BCL2L11: variants seen among roughly 807,000 people sequenced by gnomAD.
The protein encoded by BCL2L11 is BCL2 like 11, also known as bcl-2-like protein 11.
BCL2L11 carries 15 observed loss-of-function variants against 20.6 expected under a neutral mutation model. The ratio of observed to expected loss-of-function variants is 0.73; its 90% CI spans 0.49 to 1.12. The LOEUF (loss-of-function observed/expected upper bound fraction) is 1.12. Among genes scored for constraint, BCL2L11 ranks in the 50% most tolerant of loss-of-function variants. The pLI is 0.00. For synonymous variants in BCL2L11, 108 were observed against 92.8 expected, an observed-to-expected ratio of 1.16 and a Z score of -0.94; for missense variants, 292 against 260.9, an observed-to-expected ratio of 1.12 and a Z score of -0.82.
At chr2:111,156,637 C>T (rs1008035151) in intron 3 of BCL2L11, among the ~76,000 whole-genome samples, 1 of 151,950 alleles carries the variant, frequency 6.6e-6, no homozygotes, top group Non-Finnish European at 1.5e-5. Flanking sequence ...TCCAAACAAG[C>T]GCGTTCTGTT....
At chr2:111,122,639 C>G (rs1488015053) in intron 1 of BCL2L11, 1 of 983,708 alleles carries the variant, frequency 1.0e-6, no homozygotes, top group African/African-American at 1.8e-5. Context: ...AGGGGAGGAG[C>G]GGGAGGAGGC....
At chr2:111,123,582 A>G (rs771555843) in intron 1 of BCL2L11, 151 bp from the exon 2 acceptor site, 23 of 963,892 alleles carry the variant, frequency 2.4e-5, no homozygotes, top group Non-Finnish European at 2.8e-5. Context: ...TTTAGGTGCA[A>G]TTTTTTTATT....
intron 2 of BCL2L11, among the ~76,000 whole-genome samples, chr2:111,125,530 A>G (rs1227800517): frequency 1.3e-5 from 2 of 152,380 alleles, no homozygotes; most frequent in African/African-American, 2.4e-5. Context: ...GGCTAACTCA[A>G]CAAACCCATC....
At chr2:111,129,697 C>T (rs1048612713) in intron 2 of BCL2L11, among the ~76,000 whole-genome samples, 21 of 152,106 alleles carry the variant, frequency 1.4e-4, no homozygotes, top group African/African-American at 5.1e-4. Context: ...TTTGTATGGC[C>T]GCCACCACAG....
intron 2 of BCL2L11, among the ~76,000 whole-genome samples, chr2:111,142,104 G>A (rs759685024): frequency 3.3e-5 from 5 of 152,208 alleles, no homozygotes; most frequent in Non-Finnish European, 5.9e-5. Flanking sequence ...GGGCATCAGG[G>A]AGGAGGAGGA....
chr2:111,164,259 T>C lies in BCL2L11; in HGVS notation c.*28T>C. 1 of 1,527,462 alleles carries C rather than the reference T, an allele frequency of 6.5e-7. No individual in the cohort carries two copies. Among genetic ancestry groups the C allele is most frequent in the Non-Finnish European group, 9.1e-7 (1 of 1,101,250 alleles). The allele number at this position is 1,527,462 out of a possible 1,614,324, so 94.6% of individuals were successfully genotyped here. On this transcript the variant is annotated 3_prime_UTR_variant, in exon 4 of 4. Transcript: ENST00000393256. ...GGTTCTTTGCGGAGCCGAGATACCA[T>C]GCAGACATTTTGCTTGTTCAAACCA...
At chr2:111,143,527 G>C (rs564852324) in intron 2 of BCL2L11, among the ~76,000 whole-genome samples, 92 of 152,300 alleles carry the variant, frequency 6.0e-4, no homozygotes, top group African/African-American at 2.1e-3. Context: ...GCTTAGAAGG[G>C]AACATTTCAA....
intron 3 of BCL2L11, among the ~76,000 whole-genome samples, chr2:111,152,179 A>G (rs1208627289): frequency 6.6e-6 from 1 of 152,224 alleles, no homozygotes; most frequent in African/African-American, 2.4e-5. Flanking sequence ...TCTGATGGGT[A>G]TGGAGACATC....
intron 1 of BCL2L11, chr2:111,122,719 G>T: frequency 1.0e-6 from 1 of 982,792 alleles, no homozygotes; most frequent in Non-Finnish European, 1.2e-6. Context: ...GCCCTCGGCT[G>T]CCCGGCGGAG....
chr2:111,137,875 A>G (rs1376653294), intron 2 of BCL2L11, among the ~76,000 whole-genome samples: 2 of 152,166 alleles, frequency 1.3e-5, no homozygotes, highest in African/African-American at 2.4e-5. Context: ...AAGATTATTT[A>G]TGATAGTCTA....
chr2:111,122,898 C>G (rs1357684486), intron 1 of BCL2L11: 1 of 985,258 alleles, frequency 1.0e-6, no homozygotes, highest in Non-Finnish European at 1.2e-6. Flanking sequence ...GGCCCGGACG[C>G]TGCGCTCTGA....
In BCL2L11 at chr2:111,166,052, A is replaced by T. The variant is rs6750142; in HGVS notation, c.*1821A>T. 23,118 of 152,572 alleles carry T rather than the reference A, an allele frequency of 0.15. 1,944 individuals carry two copies. The highest frequency in any genetic ancestry group is 0.26 in the East Asian group (1,339 of 5,164). The allele number at this position is 152,572 out of a possible 1,614,324, so 9.5% of individuals were successfully genotyped here. A position where few individuals can be genotyped will look rare whatever the true frequency, so the allele number is the denominator to read the frequency against. On this transcript the variant is annotated 3_prime_UTR_variant, in exon 4 of 4. Coordinates refer to ENST00000393256, the MANE Select transcript of BCL2L11 (RefSeq NM_138621.5). ...TATTTTTAAAGCTGTGTTGGAGCTC[A>T]TCTTGTTCCCTGATGTGTCTCGAGC...
intron 2 of BCL2L11, among the ~76,000 whole-genome samples, chr2:111,143,178 G>A (rs2076078758): frequency 1.3e-5 from 2 of 152,198 alleles, no homozygotes; most frequent in Non-Finnish European, 2.9e-5. Flanking sequence ...TAGAAATGGA[G>A]CTGTGGCTGT....
chr2:111,145,459 G>A (rs2076381960), intron 2 of BCL2L11, among the ~76,000 whole-genome samples: 1 of 152,014 alleles, frequency 6.6e-6, no homozygotes, highest in African/African-American at 2.4e-5. Flanking sequence ...GGTTTAGCCT[G>A]ACTGATACTG....
intron 3 of BCL2L11, chr2:111,162,758 T>C (rs973855801): frequency 6.6e-6 from 1 of 152,238 alleles, no homozygotes; most frequent in African/African-American, 2.4e-5. Context: ...ACTTAGCCCA[T>C]CATAGCGTAC....
intron 3 of BCL2L11, 43 bp from the exon 4 acceptor site, chr2:111,164,090 C>CCAA: frequency 6.9e-6 from 8 of 1,164,030 alleles, no homozygotes; most frequent in Middle Eastern, 1.9e-4. Flanking sequence ...TCCCCACCCC[C>CCAA]AAATTAGGGA....
At chr2:111,123,485 T>C (rs747987430) in intron 1 of BCL2L11, 42 of 985,370 alleles carry the variant, frequency 4.3e-5, no homozygotes, top group Non-Finnish European at 4.8e-5. Flanking sequence ...CGCATGTGTG[T>C]GTGCACCAGT....
In BCL2L11 at chr2:111,143,921, T is replaced by C. The variant is rs990229730; in HGVS notation, c.395-6123T>C. On this transcript the variant is annotated intron_variant, in intron 2 of 3. Transcript: ENST00000393256. ...TTGTATTTTTATTATAAGGGACAGATAATAGTGAATGAGGGAAAAAATCTC... is the reference window on the plus strand; with the variant it reads ...TTGTATTTTTATTATAAGGGACAGACAATAGTGAATGAGGGAAAAAATCTC... Among the ~76,000 whole-genome samples the C allele has an allele frequency of 2.0e-5, 3 of 152,210 alleles. No homozygotes were observed. The South Asian group carries it at 6.2e-4, about 32-fold the overall frequency.
intron 2 of BCL2L11, among the ~76,000 whole-genome samples, chr2:111,137,823 G>A (rs1333657598): frequency 1.3e-5 from 2 of 151,746 alleles, no homozygotes; most frequent in African/African-American, 4.8e-5. Context: ...AATGGCATAG[G>A]GGAAATGCCT....
Sources: gnomAD v4.1 joint callset for allele counts (sites outside exome capture counted in the v4.1 genomes callset) on GRCh38, gnomAD v4.1.1 for gene constraint, MANE v1.5 for transcripts, NCBI Gene and HGNC (gene_info 2026-07-23, HGNC 2026-07-21) for gene names.